MLLT3: variants seen among roughly 807,000 people sequenced by gnomAD.
The protein encoded by MLLT3 is MLLT3 super elongation complex subunit, also known as protein AF-9.
MLLT3 carries 4 observed loss-of-function variants against 53.2 expected under a neutral mutation model. The ratio of observed to expected loss-of-function variants is 0.08; its 90% CI spans 0.04 to 0.17. The LOEUF is 0.17. Ranked by LOEUF, MLLT3 falls within the 10% of genes least tolerant of loss-of-function variation. MLLT3 has a pLI of 1.00. For synonymous variants in MLLT3, 283 were observed against 230.6 expected, an observed-to-expected ratio of 1.23 and a Z score of -2.06; for missense variants, 569 against 684.0, an observed-to-expected ratio of 0.83 and a Z score of 1.87.
chr9:20,464,305 G>A (rs1362307060), intron 2 of MLLT3, among the ~76,000 whole-genome samples: 2 of 151,906 alleles, frequency 1.3e-5, no homozygotes, highest in African/African-American at 4.8e-5. Context: ...AAAATCTTAA[G>A]GCTACAAAGA....
intron 5 of MLLT3, among the ~76,000 whole-genome samples, chr9:20,392,782 A>C: frequency 6.6e-6 from 1 of 152,216 alleles, no homozygotes; most frequent in South Asian, 2.1e-4. Context: ...ATCTCTTTAC[A>C]GGCTGACATG....
At chr9:20,536,630 G>C (rs1316418333) in intron 2 of MLLT3, among the ~76,000 whole-genome samples, 1 of 152,156 alleles carries the variant, frequency 6.6e-6, no homozygotes, top group Non-Finnish European at 1.5e-5. Context: ...ACATAGGTAA[G>C]GCATAATACT....
At chr9:20,504,119 A>G (rs1825322747) in intron 2 of MLLT3, among the ~76,000 whole-genome samples, 1 of 152,218 alleles carries the variant, frequency 6.6e-6, no homozygotes, top group South Asian at 2.1e-4. Context: ...AATGAAAACT[A>G]GTATAGCCAT....
intron 2 of MLLT3, among the ~76,000 whole-genome samples, chr9:20,538,920 C>T (rs13440109): frequency 0.018 from 2,781 of 152,170 alleles, 37 homozygotes; most frequent in South Asian, 0.045. Flanking sequence ...TACACATGTG[C>T]GATAGCATTA....
chr9:20,587,578 T>C (rs138523779), intron 2 of MLLT3, among the ~76,000 whole-genome samples: 1 of 152,356 alleles, frequency 6.6e-6, no homozygotes, highest in Non-Finnish European at 1.5e-5. Context: ...AAATCTATAA[T>C]GTGGCTTTCA....
At position 20,343,801 on chromosome 9, in the gene MLLT3, C is replaced by G. The variant is rs543140164; in HGVS notation, c.*2642G>C. 6.6e-5 allele frequency: 14 copies of G among 212,816 alleles called. No individual in the cohort carries two copies. In the South Asian group the frequency reaches 1.7e-3, roughly 26 times the overall value. The allele number at this position is 212,816 out of a possible 1,614,324, so 13.2% of individuals were successfully genotyped here. A position where few individuals can be genotyped will look rare whatever the true frequency, so the allele number is the denominator to read the frequency against. On this transcript the variant is annotated 3_prime_UTR_variant, in exon 11 of 11. Transcript: ENST00000380338. Reference sequence around the variant, plus strand: ...AGAAACCAGAGCCACTGTTAGGGTACTCACATGTCAAAGATATTCTTAATA... The same window carrying G: ...AGAAACCAGAGCCACTGTTAGGGTAGTCACATGTCAAAGATATTCTTAATA...
At chr9:20,409,361 A>T (rs1822666121) in intron 5 of MLLT3, among the ~76,000 whole-genome samples, 2 of 152,218 alleles carry the variant, frequency 1.3e-5, no homozygotes, top group African/African-American at 4.8e-5. Context: ...CAGGAGCAAA[A>T]TTATATGAAA....
Position 20,414,053 on chromosome 9 carries a change from G to A in MLLT3, c.793C>T (p.Pro265Ser). The change falls in exon 5 of 11, where the codon CCA (proline) becomes TCA (serine). Residue 265 changes from proline (P) to serine (S), a missense_variant. Transcript: ENST00000380338. ...GTGATGGTGAGTAAGTTACTATCTG[G>A]TTTTGGCTCTTTTGACATGGGTTTA... ...EPKPMSKEPK[P>S]DSNLLTITSG... 2 of 1,614,102 alleles carry A rather than the reference G, an allele frequency of 1.2e-6. No individual in the cohort carries two copies. The highest frequency in any genetic ancestry group is 1.7e-6 in the Non-Finnish European group (2 of 1,180,008).
At chr9:20,494,822 T>C (rs1253430056) in intron 2 of MLLT3, among the ~76,000 whole-genome samples, 1 of 152,202 alleles carries the variant, frequency 6.6e-6, no homozygotes, top group Non-Finnish European at 1.5e-5. Flanking sequence ...TTTAATTTCA[T>C]ATATATTAAA....
chr9:20,609,606 T>C (rs540393581), intron 2 of MLLT3, among the ~76,000 whole-genome samples: 3 of 152,248 alleles, frequency 2.0e-5, no homozygotes, highest in South Asian at 2.1e-4. Context: ...AGAGCCATAA[T>C]TGAGGAAGAA....
rs1004044437 is a variant in MLLT3, at chr9:20,557,945, T to C, written c.193+62709A>G. Among the ~76,000 whole-genome samples, 5 of 152,296 alleles carry C rather than the reference T, an allele frequency of 3.3e-5. No homozygotes were observed. The South Asian group carries it at 1.0e-3, about 32-fold the overall frequency. ...AAAATAATTAGAGGGGGATAACCTA[T>C]ATTGATAACCAAAGAAAACCAAAAA... On this transcript the variant is annotated intron_variant, in intron 2 of 10. Coordinates refer to ENST00000380338, the MANE Select transcript of MLLT3 (RefSeq NM_004529.4).
chr9:20,350,115 T>C (rs974097832), intron 10 of MLLT3, among the ~76,000 whole-genome samples: 4 of 152,184 alleles, frequency 2.6e-5, no homozygotes, highest in Non-Finnish European at 4.4e-5. Context: ...CTTTATTCCA[T>C]TGACACAGGC....
intron 2 of MLLT3, among the ~76,000 whole-genome samples, chr9:20,495,004 T>C (rs1825048100): frequency 6.6e-6 from 1 of 152,134 alleles, no homozygotes; most frequent in Non-Finnish European, 1.5e-5. Flanking sequence ...CTTTCATAAA[T>C]TAAAAAATGT....
At chr9:20,614,421 G>C (rs1402932329) in intron 2 of MLLT3, among the ~76,000 whole-genome samples, 1 of 145,692 alleles carries the variant, frequency 6.9e-6, no homozygotes, top group Non-Finnish European at 1.5e-5. Flanking sequence ...GGAAGGAAAG[G>C]AGGGAGGGAG....
intron 5 of MLLT3, among the ~76,000 whole-genome samples, chr9:20,400,011 T>C (rs1263333616): frequency 2.0e-5 from 3 of 151,806 alleles, no homozygotes; most frequent in Non-Finnish European, 4.4e-5. Flanking sequence ...TTAATGCTTA[T>C]ACAGCAATGA....
intron 2 of MLLT3, among the ~76,000 whole-genome samples, chr9:20,586,207 C>A (rs1407493139): frequency 1.3e-5 from 2 of 151,962 alleles, no homozygotes; most frequent in African/African-American, 4.8e-5. Flanking sequence ...GTAGTCCCAG[C>A]TACTCTGGTA....
intron 4 of MLLT3, among the ~76,000 whole-genome samples, chr9:20,433,114 G>A (rs1295122870): frequency 6.6e-6 from 1 of 151,958 alleles, no homozygotes; most frequent in Non-Finnish European, 1.5e-5. Flanking sequence ...CAACGGTGAG[G>A]AGGAACGGCT....
intron 7 of MLLT3, among the ~76,000 whole-genome samples, chr9:20,361,646 T>C (rs1003182754): frequency 6.6e-6 from 1 of 152,164 alleles, no homozygotes; most frequent in Non-Finnish European, 1.5e-5. Context: ...ATTAAAGAAC[T>C]AAAGACAATC....
chr9:20,416,178 T>C (rs961931905), intron 4 of MLLT3, among the ~76,000 whole-genome samples: 2 of 152,010 alleles, frequency 1.3e-5, no homozygotes, highest in Non-Finnish European at 2.9e-5. Flanking sequence ...ACAAACCAAA[T>C]TAAGGAACAA....
Sources: allele counts gnomAD v4.1 joint callset (sites outside exome capture counted in the v4.1 genomes callset), GRCh38; gene constraint gnomAD v4.1.1; transcripts MANE v1.5; gene names NCBI Gene and HGNC (gene_info 2026-07-23, HGNC 2026-07-21).